ANKRD10: variants seen among roughly 807,000 people sequenced by gnomAD.
The protein encoded by ANKRD10 is ankyrin repeat domain 10.
ANKRD10 carries 14 observed loss-of-function variants against 27.0 expected under a neutral mutation model. The ratio of observed to expected loss-of-function variants is 0.52; its 90% CI spans 0.34 to 0.81. The LOEUF (loss-of-function observed/expected upper bound fraction) is 0.81, where lower values mean the gene tolerates loss of function less well. Ranked by LOEUF, ANKRD10 falls within the 40% of genes least tolerant of loss-of-function variation. The pLI is 0.01. For synonymous variants in ANKRD10, 250 were observed against 224.5 expected, an observed-to-expected ratio of 1.11 and a Z score of -1.01; for missense variants, 493 against 544.0, an observed-to-expected ratio of 0.91 and a Z score of 0.93.
intron 4 of ANKRD10, among the ~76,000 whole-genome samples, chr13:110,891,905 G>T (rs2065085274): frequency 7.1e-6 from 1 of 141,438 alleles, no homozygotes. Flanking sequence ...TAGAGACAAG[G>T]TCTCACTATG....
At chr13:110,883,866 A>G (rs2064865057) in intron 4 of ANKRD10, 73 bp from the exon 5 acceptor site, 2 of 1,445,854 alleles carry the variant, frequency 1.4e-6, no homozygotes, top group African/African-American at 1.4e-5. Context: ...CACAGTTTAC[A>G]TTATTTTGTG....
At position 110,915,038 on chromosome 13, in the gene ANKRD10, T is replaced by A; in HGVS notation, c.-104A>T. The A allele has an allele frequency of 1.4e-6, 2 of 1,430,734 alleles. No homozygotes were observed. Among genetic ancestry groups the A allele is most frequent in the Non-Finnish European group, 1.8e-6 (2 of 1,095,936 alleles). 88.6% of individuals were successfully genotyped at this position (1,430,734 alleles called of 1,614,324 possible). ...CAAAGGAACGAGACTAGCGCCGCGG[T>A]CGCGTCCCACAGGCTGCCGAGCGGA... is the stretch of plus-strand genomic sequence containing the variant. On this transcript the variant is annotated 5_prime_UTR_variant, in exon 1 of 6. Transcript: ENST00000267339.
At chr13:110,886,379 T>C (rs1420227828) in intron 4 of ANKRD10, among the ~76,000 whole-genome samples, 2 of 152,212 alleles carry the variant, frequency 1.3e-5, no homozygotes, top group Non-Finnish European at 2.9e-5. Flanking sequence ...ATCAAGATTC[T>C]ATTGTGGGAA....
intron 3 of ANKRD10, among the ~76,000 whole-genome samples, chr13:110,902,615 C>A (rs185443677): frequency 6.6e-6 from 1 of 152,082 alleles, no homozygotes; most frequent in Admixed American, 6.6e-5. Context: ...ATCTGATGAT[C>A]CCAGTTAAGA....
intron 2 of ANKRD10, among the ~76,000 whole-genome samples, chr13:110,909,059 A>G (rs558536310): frequency 6.4e-4 from 97 of 152,166 alleles, no homozygotes; most frequent in Admixed American, 1.8e-3. Flanking sequence ...TTTCTGCCTC[A>G]CTCCCTTTAT....
intron 4 of ANKRD10, among the ~76,000 whole-genome samples, chr13:110,889,641 A>G (rs991418282): frequency 6.6e-6 from 1 of 152,236 alleles, no homozygotes; most frequent in Non-Finnish European, 1.5e-5. Context: ...GTTTACTAAA[A>G]GCAGACACTA....
At chr13:110,887,456 A>G (rs868201356) in intron 4 of ANKRD10, among the ~76,000 whole-genome samples, 1 of 152,236 alleles carries the variant, frequency 6.6e-6, no homozygotes, top group Non-Finnish European at 1.5e-5. Flanking sequence ...ACAGGAAAAC[A>G]GGACTGTAAT....
intron 3 of ANKRD10, chr13:110,900,816 T>C: frequency 1.7e-6 from 1 of 586,462 alleles, no homozygotes; most frequent in South Asian, 1.7e-5. Context: ...GCAGGCAACA[T>C]TTGGATTAAA....
chr13:110,903,248 T>G (rs2065434090), intron 3 of ANKRD10, among the ~76,000 whole-genome samples: 1 of 152,190 alleles, frequency 6.6e-6, no homozygotes, highest in Admixed American at 6.5e-5. Context: ...TTCACGTGCT[T>G]GCTGAAAACT....
chr13:110,886,834 T>A (rs1393430759), intron 4 of ANKRD10, among the ~76,000 whole-genome samples: 2 of 152,238 alleles, frequency 1.3e-5, no homozygotes, highest in African/African-American at 2.4e-5. Flanking sequence ...TAATATTGAT[T>A]CTTAAAGTTA....
intron 4 of ANKRD10, among the ~76,000 whole-genome samples, chr13:110,886,811 T>C (rs988287913): frequency 1.3e-5 from 2 of 152,236 alleles, no homozygotes; most frequent in African/African-American, 2.4e-5. Flanking sequence ...GGAAGCACTA[T>C]ACTTTCCTAT....
chr13:110,891,160 T>A (rs1338009114), intron 4 of ANKRD10, among the ~76,000 whole-genome samples: 1 of 152,162 alleles, frequency 6.6e-6, no homozygotes, highest in East Asian at 1.9e-4. Context: ...TTCAAGGACA[T>A]TTAGACTATA....
intron 1 of ANKRD10, 121 bp downstream of exon 1, chr13:110,914,604 G>C: frequency 7.2e-7 from 1 of 1,396,828 alleles, no homozygotes; most frequent in Non-Finnish European, 9.4e-7. Flanking sequence ...CACAGGCGCC[G>C]TCGATCCCGC....
In ANKRD10 at chr13:110,893,161, G is replaced by C. The variant is rs2065129472; in HGVS notation, c.558C>G (p.Asn186Lys). Residue 186 changes from asparagine to lysine, a missense_variant, in exon 4 of 6, where the codon AAC (asparagine) becomes AAG (lysine). Transcript: ENST00000267339. ...TTAAGATGCCATTGTTATAGAAATG[G>C]TTCAGATGACAATTCTGGAGGTTCA... ...FLLNLQNCHL[N>K]HFYNNGILNG... The C allele has an allele frequency of 3.1e-6, 5 of 1,614,116 alleles. No individual in the cohort carries two copies. Among genetic ancestry groups the C allele is most frequent in the Non-Finnish European group, 3.4e-6 (4 of 1,180,014 alleles).
At chr13:110,887,987 G>A (rs144605327) in intron 4 of ANKRD10, among the ~76,000 whole-genome samples, 1 of 152,178 alleles carries the variant, frequency 6.6e-6, no homozygotes, top group African/African-American at 2.4e-5. Flanking sequence ...TTCTGCTGTA[G>A]AGCACATTTT....
intron 5 of ANKRD10, among the ~76,000 whole-genome samples, chr13:110,881,864 A>AT (rs1414714363): frequency 6.6e-6 from 1 of 152,220 alleles, no homozygotes; most frequent in Non-Finnish European, 1.5e-5. Context: ...AGAGAATCTA[A>AT]TAAAACTAAG....
chr13:110,898,844 C>T (rs548384181), intron 3 of ANKRD10, among the ~76,000 whole-genome samples: 3 of 151,226 alleles, frequency 2.0e-5, no homozygotes, highest in African/African-American at 7.3e-5. Flanking sequence ...CAACCTCTGC[C>T]TCCCAGGTTC....
chr13:110,902,036 C>CTT (rs2065396774), intron 3 of ANKRD10, among the ~76,000 whole-genome samples: 1 of 114,222 alleles, frequency 8.8e-6, no homozygotes, highest in Admixed American at 1.1e-4. Context: ...AAGGGAGACT[C>CTT]TGTCTCTTTT....
intron 3 of ANKRD10, among the ~76,000 whole-genome samples, chr13:110,902,876 A>C (rs2065423834): frequency 6.6e-6 from 1 of 152,194 alleles, no homozygotes. Flanking sequence ...TTGATATGGA[A>C]ACATCCTCCA....
Sources: gnomAD v4.1 joint callset for allele counts (sites outside exome capture counted in the v4.1 genomes callset) on GRCh38, gnomAD v4.1.1 for gene constraint, MANE v1.5 for transcripts, NCBI Gene and HGNC (gene_info 2026-07-23, HGNC 2026-07-21) for gene names.